The following RGS7BP variants were observed in gnomAD, a reference collection of about 807,000 sequenced individuals.
RGS7BP encodes regulator of G protein signaling 7-binding protein.
RGS7BP carries 9 observed loss-of-function variants against 31.3 expected under a neutral mutation model. The observed-to-expected ratio is 0.29, with a 90% CI of 0.17 to 0.50. RGS7BP has a LOEUF of 0.50. Ranked by LOEUF, RGS7BP falls within the 20% of genes least tolerant of loss-of-function variation. The pLI is 0.98. For synonymous variants in RGS7BP, 115 were observed against 120.1 expected, an observed-to-expected ratio of 0.96 and a Z score of 0.28; for missense variants, 274 against 322.0, an observed-to-expected ratio of 0.85 and a Z score of 1.14.
intron 2 of RGS7BP, among the ~76,000 whole-genome samples, chr5:64,559,216 C>G (rs1235087467): frequency 6.6e-6 from 1 of 152,106 alleles, no homozygotes; most frequent in Non-Finnish European, 1.5e-5. Flanking sequence ...GATGTCTCCC[C>G]CAGACACCCA....
Position 64,507,644 on chromosome 5 carries a change from C to T in RGS7BP, c.166-67C>T, listed in dbSNP as rs979062670. 4.8e-6 allele frequency: 7 copies of T among 1,461,718 alleles called. No individual in the cohort carries two copies. The African/African-American group carries it at 9.9e-5, about 21-fold the overall frequency. The allele number at this position is 1,461,718 out of a possible 1,614,324, so 90.5% of individuals were successfully genotyped here. On this transcript the variant is annotated intron_variant, in intron 1 of 5. Coordinates refer to ENST00000334025, the MANE Select transcript of RGS7BP (RefSeq NM_001029875.3). ...GTCAGTGAAAGCCCCTGTTTATGTACTCCGAAACAGGAAACTTTCTGATGA... is the reference window on the plus strand; with the variant it reads ...GTCAGTGAAAGCCCCTGTTTATGTATTCCGAAACAGGAAACTTTCTGATGA...
Position 64,609,136 on chromosome 5 carries a change from A to T in RGS7BP, c.683-25A>T, listed in dbSNP as rs1465603901. On this transcript the variant is annotated intron_variant, in intron 5 of 5. Transcript: ENST00000334025. ...AGGTTGTTGTGTCTATACCTCACTT[A>T]TGTGCACATTATGTCCCATCACAGA... 2.4e-5 allele frequency: 35 copies of T among 1,433,242 alleles called. No homozygotes were observed. In the Admixed American group the frequency reaches 5.9e-4, roughly 24 times the overall value. 88.8% of individuals were successfully genotyped at this position (1,433,242 alleles called of 1,614,324 possible).
chr5:64,598,141 G>A (rs1409845468), intron 4 of RGS7BP, among the ~76,000 whole-genome samples: 1 of 152,184 alleles, frequency 6.6e-6, no homozygotes, highest in Admixed American at 6.5e-5. Context: ...AGAATGCCCT[G>A]TAGAAATGTT....
At chr5:64,587,960 C>T (rs1509135) in intron 3 of RGS7BP, among the ~76,000 whole-genome samples, 52,475 of 151,860 alleles carry the variant, frequency 0.35, 9,342 homozygotes, top group South Asian at 0.4. Context: ...CAAATTTGAA[C>T]AGACATCCAG....
At chr5:64,576,333 GT>G in intron 3 of RGS7BP, among the ~76,000 whole-genome samples, 1 of 152,306 alleles carries the variant, frequency 6.6e-6, no homozygotes, top group Non-Finnish European at 1.5e-5. Context: ...AGGGAGGTTA[GT>G]AATAGATAAC....
At chr5:64,575,728 G>A in intron 2 of RGS7BP, 46 bp from the exon 3 acceptor site, 1 of 1,565,360 alleles carries the variant, frequency 6.4e-7, no homozygotes, top group Non-Finnish European at 8.6e-7. Flanking sequence ...GCTGATGAGT[G>A]AAATCTTGAG....
At chr5:64,577,245 T>C (rs1265365435) in intron 3 of RGS7BP, among the ~76,000 whole-genome samples, 1 of 152,028 alleles carries the variant, frequency 6.6e-6, no homozygotes, top group African/African-American at 2.4e-5. Context: ...GAGACCATCC[T>C]GGCTAACACG....
chr5:64,603,873 G>T (rs1039030163), intron 5 of RGS7BP, among the ~76,000 whole-genome samples: 1 of 152,124 alleles, frequency 6.6e-6, no homozygotes, highest in African/African-American at 2.4e-5. Flanking sequence ...TGTAGCAATT[G>T]TTTATAGAAG....
chr5:64,574,572 T>A (rs1742373939), intron 2 of RGS7BP, among the ~76,000 whole-genome samples: 1 of 152,220 alleles, frequency 6.6e-6, no homozygotes, highest in South Asian at 2.1e-4. Context: ...GTTAAGAACA[T>A]GTGCAGGCAT....
In RGS7BP at chr5:64,610,868, T is replaced by C. The variant is rs909265266; in HGVS notation, c.*1616T>C. 1 of 151,906 alleles carries C rather than the reference T, an allele frequency of 6.6e-6. No homozygotes were observed. The highest frequency in any genetic ancestry group is 6.6e-5 in the Admixed American group (1 of 15,202). 9.4% of individuals were successfully genotyped at this position (151,906 alleles called of 1,614,324 possible). A position where few individuals can be genotyped will look rare whatever the true frequency, so the allele number is the denominator to read the frequency against. On this transcript the variant is annotated 3_prime_UTR_variant, in exon 6 of 6. Coordinates refer to ENST00000334025, the MANE Select transcript of RGS7BP (RefSeq NM_001029875.3). ...GCTCTTTTGATTGAAAGTGAAAGAA[T>C]TAAAGGGTTGGAAGAGAACGTTATA...
chr5:64,585,461 T>A (rs913832675), intron 3 of RGS7BP, among the ~76,000 whole-genome samples: 9 of 149,450 alleles, frequency 6.0e-5, no homozygotes, highest in African/African-American at 2.0e-4. Flanking sequence ...AAAAGAGGAG[T>A]GGGGAAAACA....
chr5:64,536,590 C>T (rs188640905), intron 2 of RGS7BP, among the ~76,000 whole-genome samples: 59 of 152,284 alleles, frequency 3.9e-4, no homozygotes, highest in Non-Finnish European at 8.4e-4. Flanking sequence ...ACATAGAATA[C>T]CTACATTTCA....
Position 64,507,666 on chromosome 5 carries a change from A to G in RGS7BP, c.166-45A>G, listed in dbSNP as rs143650491. 11,791 of 1,526,582 alleles carry G rather than the reference A, an allele frequency of 7.7e-3. 68 individuals carry two copies. The highest frequency in any genetic ancestry group is 9.4e-3 in the Non-Finnish European group (10,648 of 1,133,490). The allele number at this position is 1,526,582 out of a possible 1,614,324, so 94.6% of individuals were successfully genotyped here. A position where few individuals can be genotyped will look rare whatever the true frequency, so the allele number is the denominator to read the frequency against. On this transcript the variant is annotated intron_variant, in intron 1 of 5. Coordinates refer to ENST00000334025, the MANE Select transcript of RGS7BP (RefSeq NM_001029875.3). ...GTACTCCGAAACAGGAAACTTTCTGATGAGAAATGTTTGGTAAAAAAAAAA... is the reference window on the plus strand; with the variant it reads ...GTACTCCGAAACAGGAAACTTTCTGGTGAGAAATGTTTGGTAAAAAAAAAA...
chr5:64,575,974 C>T (rs1404386039), intron 3 of RGS7BP, 70 bp downstream of exon 3: 23 of 1,373,878 alleles, frequency 1.7e-5, no homozygotes, highest in East Asian at 4.7e-5. Context: ...GCAAAGTGTC[C>T]GTATATACCA....
chr5:64,547,909 G>A (rs1296611581), intron 2 of RGS7BP, among the ~76,000 whole-genome samples: 1 of 152,054 alleles, frequency 6.6e-6, no homozygotes, highest in Non-Finnish European at 1.5e-5. Flanking sequence ...ATGCTAATAG[G>A]CCTTTTGGGG....
At chr5:64,553,512 CTTTT>C (rs1407188079) in intron 2 of RGS7BP, among the ~76,000 whole-genome samples, 1 of 151,960 alleles carries the variant, frequency 6.6e-6, no homozygotes, top group Non-Finnish European at 1.5e-5. Context: ...TTCTTTCTTT[CTTTT>C]CTTTCAAAAT....
chr5:64,600,532 T>C (rs1027849761), intron 5 of RGS7BP, among the ~76,000 whole-genome samples: 10 of 152,126 alleles, frequency 6.6e-5, no homozygotes, highest in African/African-American at 2.4e-4. Flanking sequence ...TAATCAAAGG[T>C]TGATACTGTG....
intron 2 of RGS7BP, chr5:64,573,672 G>T (rs1225676466): frequency 2.0e-5 from 3 of 152,106 alleles, no homozygotes; most frequent in African/African-American, 4.8e-5. Context: ...TATTTATATT[G>T]TTCAAAGTTA....
In RGS7BP at chr5:64,605,099, C is replaced by A. The variant is rs137929271; in HGVS notation, c.683-4062C>A. The stretch of plus-strand genomic sequence containing the variant: ...ACTGGTGTCCAAATTTCCTATTCTC[C>A]CTCTTTTTTTTTTTACTTTCTCCTG... On this transcript the variant is annotated intron_variant, in intron 5 of 5. Transcript: ENST00000334025. Among the ~76,000 whole-genome samples, 620 of 152,032 alleles carry A rather than the reference C, an allele frequency of 4.1e-3. 1 individual carries two copies. The highest frequency in any genetic ancestry group is 0.014 in the African/African-American group (598 of 41,476).
Sources: gnomAD v4.1 joint callset for allele counts (sites outside exome capture counted in the v4.1 genomes callset) on GRCh38, gnomAD v4.1.1 for gene constraint, MANE v1.5 for transcripts, NCBI Gene and HGNC (gene_info 2026-07-23, HGNC 2026-07-21) for gene names.